The following PMM2 variants were observed in gnomAD, a reference collection of about 807,000 sequenced individuals.
The protein encoded by PMM2 is phosphomannomutase 2.
In PMM2, 35 loss-of-function variants were observed where a neutral mutation model predicts 33.2. The observed-to-expected ratio is 1.06, with a 90% CI of 0.81 to 1.40. The LOEUF is 1.40. Among genes scored for constraint, PMM2 ranks in the 40% most tolerant of loss-of-function variants. PMM2 has a pLI of 0.00. For synonymous variants in PMM2, 153 were observed against 114.7 expected, an observed-to-expected ratio of 1.33 and a Z score of -2.13; for missense variants, 386 against 306.0, an observed-to-expected ratio of 1.26 and a Z score of -1.95.
At chr16:8,837,528 G>C (rs1170794890) in intron 7 of PMM2, among the ~76,000 whole-genome samples, 1 of 151,800 alleles carries the variant, frequency 6.6e-6, no homozygotes, top group African/African-American at 2.4e-5. Context: ...GAGAAGGGGT[G>C]GGGGGTTCTT....
intron 4 of PMM2, chr16:8,809,159 C>T (rs1262413896): frequency 6.6e-6 from 1 of 152,162 alleles, no homozygotes; most frequent in Non-Finnish European, 1.5e-5. Context: ...TCCTAAGAGG[C>T]CACACTGACA....
chr16:8,804,678 G>A (rs1226352284), intron 2 of PMM2, 89 bp from the exon 3 acceptor site: 13 of 838,424 alleles, frequency 1.6e-5, no homozygotes, highest in Middle Eastern at 4.4e-4. Context: ...GGAGTTTAGC[G>A]GTTTTATTGG....
At chr16:8,810,236 TA>T (rs1330979127) in intron 4 of PMM2, 1 of 152,246 alleles carries the variant, frequency 6.6e-6, no homozygotes, top group Non-Finnish European at 1.5e-5. Context: ...CCTCAGTTAT[TA>T]CTGAGGCTCG....
At chr16:8,810,989 T>C (rs1258554217) in intron 4 of PMM2, 90 bp from the exon 5 acceptor site, 1 of 797,566 alleles carries the variant, frequency 1.3e-6, no homozygotes, top group Non-Finnish European at 2.2e-6. Context: ...CTCTGCTTTT[T>C]AGAATTTCCC....
intron 7 of PMM2, among the ~76,000 whole-genome samples, chr16:8,826,629 A>G (rs1376598031): frequency 4.6e-5 from 7 of 152,292 alleles, no homozygotes; most frequent in African/African-American, 1.7e-4. Flanking sequence ...TACTAACGTC[A>G]TGTGAACTAA....
intron 7 of PMM2, among the ~76,000 whole-genome samples, chr16:8,839,645 G>T (rs1262198427): frequency 6.6e-6 from 1 of 151,960 alleles, no homozygotes; most frequent in Non-Finnish European, 1.5e-5. Flanking sequence ...TACTGCTAAT[G>T]TTTTTAAGTT....
At chr16:8,833,987 G>C (rs1172894418) in intron 7 of PMM2, among the ~76,000 whole-genome samples, 1 of 151,858 alleles carries the variant, frequency 6.6e-6, no homozygotes, top group East Asian at 1.9e-4. Context: ...GAGTAGTTGA[G>C]AATGGCGAAT....
chr16:8,825,320 T>C (rs904582796), intron 7 of PMM2, among the ~76,000 whole-genome samples: 2 of 149,846 alleles, frequency 1.3e-5, no homozygotes, highest in East Asian at 2.0e-4. Flanking sequence ...CATGAGCCAC[T>C]GTGCCCGGCC....
At chr16:8,840,612 C>T (rs1394364871) in intron 7 of PMM2, among the ~76,000 whole-genome samples, 6 of 151,898 alleles carry the variant, frequency 4.0e-5, no homozygotes, top group African/African-American at 1.2e-4. Flanking sequence ...GACTGTTCTT[C>T]GAAATACGAC....
At chr16:8,825,149 G>C (rs2060759464) in intron 7 of PMM2, among the ~76,000 whole-genome samples, 1 of 151,792 alleles carries the variant, frequency 6.6e-6, no homozygotes, top group African/African-American at 2.4e-5. Flanking sequence ...TCCTGCTTCA[G>C]CCTCCCGAGT....
chr16:8,832,279 C>T, intron 7 of PMM2: 10 of 985,446 alleles, frequency 1.0e-5, no homozygotes, highest in African/African-American at 1.7e-5. Context: ...CTCCTGCGAG[C>T]CGTGCGGCTC....
intron 7 of PMM2, among the ~76,000 whole-genome samples, chr16:8,833,503 T>C (rs894604081): frequency 3.3e-5 from 5 of 151,762 alleles, no homozygotes; most frequent in South Asian, 4.2e-4. Flanking sequence ...AAAAATAAAA[T>C]AGTGTTGAAG....
In PMM2 at chr16:8,804,733, T is replaced by C. The variant is rs749549022; in HGVS notation, c.179-34T>C. The C allele has an allele frequency of 6.9e-6, 10 of 1,453,164 alleles. No homozygotes were observed. The Admixed American group carries it at 1.7e-4, about 24-fold the overall frequency. The allele number at this position is 1,453,164 out of a possible 1,614,324, so 90.0% of individuals were successfully genotyped here. A position where few individuals can be genotyped will look rare whatever the true frequency, so the allele number is the denominator to read the frequency against. On this transcript the variant is annotated intron_variant, in intron 2 of 7. Transcript: ENST00000268261. Reference sequence around the variant, plus strand: ...AGTAAAAACACAGGTTTTGATTCTTTGCATTCTAAGTGTTTTTTTGGTTTT... The same window carrying C: ...AGTAAAAACACAGGTTTTGATTCTTCGCATTCTAAGTGTTTTTTTGGTTTT...
At chr16:8,837,453 G>C (rs948411926) in intron 7 of PMM2, among the ~76,000 whole-genome samples, 2 of 151,822 alleles carry the variant, frequency 1.3e-5, no homozygotes, top group Non-Finnish European at 2.9e-5. Context: ...GGAGAAGAAA[G>C]GAATGGAAGG....
chr16:8,842,960 A>G (rs1229193007), intron 7 of PMM2, among the ~76,000 whole-genome samples: 1 of 152,122 alleles, frequency 6.6e-6, no homozygotes, highest in African/African-American at 2.4e-5. Context: ...TATGAGAGGA[A>G]GACGCAAAGG....
chr16:8,804,747 T>G lies in PMM2; in HGVS notation c.179-20T>G, dbSNP rs369620768. The G allele has an allele frequency of 6.3e-6, 10 of 1,581,804 alleles. No individual in the cohort carries two copies. Among genetic ancestry groups the G allele is most frequent in the Non-Finnish European group, 8.7e-6 (10 of 1,150,634 alleles). ...TTTTGATTCTTTGCATTCTAAGTGT[T>G]TTTTTGGTTTTGATTGTAGTGGTTG... On this transcript the variant is annotated intron_variant, in intron 2 of 7. Transcript: ENST00000268261.
chr16:8,829,803 G>A (rs1398532012), intron 7 of PMM2, among the ~76,000 whole-genome samples: 1 of 152,214 alleles, frequency 6.6e-6, no homozygotes, highest in East Asian at 1.9e-4. Flanking sequence ...ACTTCCTTCA[G>A]CAATTCCCTT....
chr16:8,824,935 A>G (rs985048405), intron 7 of PMM2, among the ~76,000 whole-genome samples: 2 of 152,218 alleles, frequency 1.3e-5, no homozygotes, highest in Non-Finnish European at 1.5e-5. Context: ...AAAATCTTTC[A>G]TTGTCTCTCT....
chr16:8,801,756 T>G, intron 1 of PMM2, 43 bp from the exon 2 acceptor site: 1 of 1,193,750 alleles, frequency 8.4e-7, no homozygotes, highest in East Asian at 2.5e-5. Flanking sequence ...CTCCTGATTA[T>G]TGTGTGGCTT....
Sources: gnomAD v4.1 joint callset for allele counts (sites outside exome capture counted in the v4.1 genomes callset) on GRCh38, gnomAD v4.1.1 for gene constraint, MANE v1.5 for transcripts, NCBI Gene and HGNC (gene_info 2026-07-23, HGNC 2026-07-21) for gene names.